Variants in CADM2 observed in about 807,000 individuals in gnomAD.
CADM2 encodes the protein immunoglobulin superfamily member 4D.
Under a neutral mutation model 49.8 loss-of-function variants are expected in CADM2, and 12 were observed. The observed-to-expected ratio is 0.24, with a 90% CI of 0.15 to 0.39. The LOEUF (loss-of-function observed/expected upper bound fraction) is 0.39. CADM2 is among the 10% of genes least tolerant of loss of function. The probability of loss-of-function intolerance (pLI) is 1.00; values close to 1 mark genes in which losing one functional copy is unlikely to be tolerated. For synonymous variants in CADM2, 214 were observed against 175.4 expected, an observed-to-expected ratio of 1.22 and a Z score of -1.74; for missense variants, 378 against 492.3, an observed-to-expected ratio of 0.77 and a Z score of 2.20.
At chr3:85,402,942 A>G (rs955796478) in intron 1 of CADM2, among the ~76,000 whole-genome samples, 2 of 152,134 alleles carry the variant, frequency 1.3e-5, no homozygotes, top group African/African-American at 2.4e-5. Flanking sequence ...CAGTCCATCT[A>G]TTTTGAAAAT....
chr3:85,689,767 A>C (rs542177193), intron 1 of CADM2, among the ~76,000 whole-genome samples: 1 of 152,358 alleles, frequency 6.6e-6, no homozygotes, highest in East Asian at 1.9e-4. Flanking sequence ...AAGTGTAGGA[A>C]GTGCTAAGAA....
intron 8 of CADM2, among the ~76,000 whole-genome samples, chr3:85,987,780 T>G (rs969641413): frequency 6.6e-6 from 1 of 150,574 alleles, no homozygotes; most frequent in Admixed American, 6.6e-5. Context: ...CTAAAGTGAG[T>G]TATTATTAAT....
chr3:85,731,953 A>G (rs2067949893), intron 2 of CADM2, among the ~76,000 whole-genome samples: 1 of 151,902 alleles, frequency 6.6e-6, no homozygotes, highest in South Asian at 2.1e-4. Context: ...TTTAGATTGT[A>G]ATTTTAAAAG....
At chr3:85,303,268 T>G (rs902267982) in intron 1 of CADM2, among the ~76,000 whole-genome samples, 1 of 151,952 alleles carries the variant, frequency 6.6e-6, no homozygotes, top group Non-Finnish European at 1.5e-5. Context: ...CATTTTATTT[T>G]TCTTCCTCCC....
chr3:85,478,581 T>A (rs544681104), intron 1 of CADM2, among the ~76,000 whole-genome samples: 1 of 149,524 alleles, frequency 6.7e-6, no homozygotes, highest in African/African-American at 2.4e-5. Flanking sequence ...TGGGAACTTA[T>A]CCATTTCCTA....
chr3:85,658,576 G>GTGTATA (rs1460728518), intron 1 of CADM2, among the ~76,000 whole-genome samples: 30 of 68,732 alleles, frequency 4.4e-4, no homozygotes, highest in African/African-American at 6.1e-4. Flanking sequence ...GGATATATGT[G>GTGTATA]TATATATATA....
chr3:85,011,007 G>A (rs908220491), intron 1 of CADM2, among the ~76,000 whole-genome samples: 6 of 151,340 alleles, frequency 4.0e-5, no homozygotes, highest in African/African-American at 1.5e-4. Context: ...GGGACTACAG[G>A]CGCCTGCCAC....
chr3:85,562,022 G>A (rs1025457190), intron 1 of CADM2, among the ~76,000 whole-genome samples: 16 of 152,046 alleles, frequency 1.1e-4, no homozygotes, highest in African/African-American at 3.9e-4. Flanking sequence ...AAAAAATAGA[G>A]GTCCAGCAAA....
chr3:85,878,194 G>T (rs1712204680), intron 3 of CADM2, among the ~76,000 whole-genome samples: 1 of 152,010 alleles, frequency 6.6e-6, no homozygotes, highest in South Asian at 2.1e-4. Flanking sequence ...TTAAGAATGT[G>T]TTGTCCATTT....
intron 1 of CADM2, among the ~76,000 whole-genome samples, chr3:85,103,945 T>G (rs1412510627): frequency 6.6e-6 from 1 of 152,126 alleles, no homozygotes; most frequent in Non-Finnish European, 1.5e-5. Context: ...AGGAGGTAAT[T>G]GTTTTGATAA....
chr3:85,979,914 T>A (rs1412701263), intron 8 of CADM2, among the ~76,000 whole-genome samples: 1 of 151,548 alleles, frequency 6.6e-6, no homozygotes. Flanking sequence ...ATTATACAAA[T>A]AAGAATTTTA....
intron 1 of CADM2, among the ~76,000 whole-genome samples, chr3:84,998,776 G>T (rs912990119): frequency 2.0e-5 from 3 of 152,044 alleles, no homozygotes; most frequent in African/African-American, 4.8e-5. Context: ...GTAGCCAGAG[G>T]CTCAGATTTG....
chr3:84,984,356 T>TAAAAAAAAAAA lies in CADM2; in HGVS notation c.61+24707_61+24717dup, dbSNP rs375702349. On this transcript the variant is annotated intron_variant, in intron 1 of 9. Transcript: ENST00000383699. ...CCTCATAGCCACCTCAAGATTAAGC[T>TAAAAAAAAAAA]AAAAAAAAAAAAAAAAAAAAAAAAA... Among the ~76,000 whole-genome samples, 159 of 67,042 alleles carry TAAAAAAAAAAA rather than the reference T, an allele frequency of 2.4e-3. 16 individuals carry two copies. Among genetic ancestry groups the TAAAAAAAAAAA allele is most frequent in the African/African-American group, 9.5e-3 (126 of 13,312 alleles). The allele number at this position is 67,042 out of a possible 152,430, so 44.0% of individuals were successfully genotyped here.
intron 1 of CADM2, among the ~76,000 whole-genome samples, chr3:85,552,676 G>A (rs1018634368): frequency 2.7e-5 from 4 of 149,032 alleles, no homozygotes; most frequent in Admixed American, 6.7e-5. Context: ...CAATGCGCCC[G>A]GCCCTTGTTT....
At chr3:85,834,630 G>A (rs906509606) in intron 3 of CADM2, among the ~76,000 whole-genome samples, 19 of 151,416 alleles carry the variant, frequency 1.3e-4, no homozygotes, top group African/African-American at 3.6e-4. Flanking sequence ...TTGACTTGTA[G>A]TTATATGCTT....
chr3:85,790,414 C>T (rs2071254285), intron 2 of CADM2, among the ~76,000 whole-genome samples: 1 of 152,302 alleles, frequency 6.6e-6, no homozygotes, highest in Admixed American at 6.5e-5. Flanking sequence ...GGGGTTATCC[C>T]ATAAGTTCCC....
At chr3:85,794,393 G>C (rs932378206) in intron 2 of CADM2, among the ~76,000 whole-genome samples, 1 of 152,108 alleles carries the variant, frequency 6.6e-6, no homozygotes, top group Non-Finnish European at 1.5e-5. Flanking sequence ...ATCCAATATG[G>C]TAAACAGTGT....
At chr3:85,812,035 C>G (rs2072915227) in intron 3 of CADM2, among the ~76,000 whole-genome samples, 1 of 151,926 alleles carries the variant, frequency 6.6e-6, no homozygotes, top group Non-Finnish European at 1.5e-5. Flanking sequence ...TAAAATATTG[C>G]TATGCCCTGG....
intron 1 of CADM2, among the ~76,000 whole-genome samples, chr3:85,646,943 A>G (rs936412283): frequency 2.0e-5 from 3 of 151,890 alleles, no homozygotes; most frequent in Non-Finnish European, 4.4e-5. Flanking sequence ...TTCTAAAGAC[A>G]TACAAGGTGT....
Sources: gnomAD v4.1 joint callset for allele counts (sites outside exome capture counted in the v4.1 genomes callset) on GRCh38, gnomAD v4.1.1 for gene constraint, MANE v1.5 for transcripts, NCBI Gene and HGNC (gene_info 2026-07-23, HGNC 2026-07-21) for gene names.